Variants in YPEL1 observed in about 807,000 individuals in gnomAD.
YPEL1 encodes the protein yippee like 1.
YPEL1 carries 7 observed loss-of-function variants against 17.3 expected under a neutral mutation model. The observed-to-expected ratio is 0.40, with a 90% CI of 0.23 to 0.76. YPEL1 has a LOEUF of 0.76. Among genes scored for constraint, YPEL1 ranks in the 30% least tolerant of loss-of-function variants. The pLI, the probability that YPEL1 is intolerant of heterozygous loss-of-function variation, is 0.35. For synonymous variants in YPEL1, 59 were observed against 59.6 expected, an observed-to-expected ratio of 0.99 and a Z score of 0.05; for missense variants, 91 against 155.5, an observed-to-expected ratio of 0.59 and a Z score of 2.21.
In YPEL1 at chr22:21,697,804, T is replaced by A. The variant is rs926615851; in HGVS notation, c.*3325A>T. ...AAATGAAGGTTTACATTTCTGTAGT[T>A]TGTTTGTTTTAGAGCTTAATTTGTA... On this transcript the variant is annotated 3_prime_UTR_variant, in exon 5 of 5. Transcript: ENST00000339468. The A allele has an allele frequency of 6.6e-6, 1 of 152,340 alleles. No individual in the cohort carries two copies. Among genetic ancestry groups the A allele is most frequent in the East Asian group, 1.9e-4 (1 of 5,326 alleles). 9.4% of individuals were successfully genotyped at this position (152,340 alleles called of 1,614,324 possible).
intron 2 of YPEL1, among the ~76,000 whole-genome samples, chr22:21,706,221 G>C (rs2068114310): frequency 6.6e-6 from 1 of 150,898 alleles, no homozygotes; most frequent in Admixed American, 6.6e-5. Flanking sequence ...ACAAGTTCAG[G>C]AGTTCAAGAC....
intron 1 of YPEL1, among the ~76,000 whole-genome samples, chr22:21,721,394 A>T (rs1226175419): frequency 6.7e-6 from 1 of 149,042 alleles, no homozygotes; most frequent in Non-Finnish European, 1.5e-5. Flanking sequence ...CTGAGATTAC[A>T]GCAGTGAGCC....
At chr22:21,706,430 G>A (rs1397564549) in intron 2 of YPEL1, among the ~76,000 whole-genome samples, 10 of 147,294 alleles carry the variant, frequency 6.8e-5, no homozygotes, top group East Asian at 2.0e-4. Context: ...GTCAGGCTCC[G>A]TCTCACAAAA....
At chr22:21,721,527 G>A (rs149931174) in intron 1 of YPEL1, among the ~76,000 whole-genome samples, 9,728 of 151,368 alleles carry the variant, frequency 0.064, 455 homozygotes, top group Non-Finnish European at 0.1. Flanking sequence ...GGGTTCAAGC[G>A]ATTCTCCTGC....
chr22:21,709,944 C>T (rs919329616), intron 2 of YPEL1, among the ~76,000 whole-genome samples: 9 of 146,694 alleles, frequency 6.1e-5, no homozygotes, highest in Non-Finnish European at 1.4e-4. Flanking sequence ...TGACCTGAGG[C>T]TGGGGGGATG....
At chr22:21,704,905 G>A (rs1222242091) in intron 2 of YPEL1, among the ~76,000 whole-genome samples, 1 of 152,130 alleles carries the variant, frequency 6.6e-6, no homozygotes, top group Non-Finnish European at 1.5e-5. Flanking sequence ...TCCAGTGCCA[G>A]CCTCAAGTCT....
chr22:21,725,647 TG>T (rs2068328304), intron 1 of YPEL1, among the ~76,000 whole-genome samples: 1 of 152,044 alleles, frequency 6.6e-6, no homozygotes, highest in African/African-American at 2.4e-5. Flanking sequence ...GGAATGAATA[TG>T]TATCAGGGGA....
Position 21,703,737 on chromosome 22 carries a change from C to T in YPEL1, c.161+102G>A, listed in dbSNP as rs1032793644. The T allele has an allele frequency of 7.6e-7, 1 of 1,314,744 alleles. No homozygotes were observed. The highest frequency in any genetic ancestry group is 1.0e-6 in the Non-Finnish European group (1 of 952,914). 81.4% of individuals were successfully genotyped at this position (1,314,744 alleles called of 1,614,324 possible). On this transcript the variant is annotated intron_variant, in intron 3 of 4. Coordinates refer to ENST00000339468, the MANE Select transcript of YPEL1 (RefSeq NM_013313.5). This position sits in a 1 kb window ranked among gnomAD's most constrained non-coding sequence, Gnocchi z 6.1. Reference sequence around the variant, plus strand: ...GGGGGGATGGTGGGTTCTTTCAGGACCCCTAAAGACCCAGGTGATTCTACA... The same window carrying T: ...GGGGGGATGGTGGGTTCTTTCAGGATCCCTAAAGACCCAGGTGATTCTACA...
intron 1 of YPEL1, among the ~76,000 whole-genome samples, chr22:21,721,895 CT>C (rs2068287516): frequency 6.6e-6 from 1 of 152,200 alleles, no homozygotes. Context: ...CACCAAGCCC[CT>C]GGCAGCTACC....
chr22:21,707,674 G>A (rs1308524670), intron 2 of YPEL1, among the ~76,000 whole-genome samples: 7 of 152,176 alleles, frequency 4.6e-5, no homozygotes, highest in Non-Finnish European at 1.0e-4. Context: ...ATTCTGGACT[G>A]AATTTCCTAA....
At position 21,716,928 on chromosome 22, in the gene YPEL1, C is replaced by T. The variant is rs935530124; in HGVS notation, c.-164-6020G>A. On this transcript the variant is annotated intron_variant, in intron 1 of 4. Transcript: ENST00000339468. ...GAGAGTATATGTAACCAACAGCAAACGAGAAAAAAAATGACCTTGCAGAAA... is the reference window on the plus strand; with the variant it reads ...GAGAGTATATGTAACCAACAGCAAATGAGAAAAAAAATGACCTTGCAGAAA... Among the ~76,000 whole-genome samples the T allele has an allele frequency of 4.6e-5, 7 of 151,368 alleles. No individual in the cohort carries two copies. In the East Asian group the frequency reaches 5.8e-4, roughly 13 times the overall value.
chr22:21,709,650 A>G (rs1236628574), intron 2 of YPEL1, among the ~76,000 whole-genome samples: 2 of 152,174 alleles, frequency 1.3e-5, no homozygotes, highest in Non-Finnish European at 2.9e-5. Flanking sequence ...CTATTTAAAA[A>G]AAGAAGAAAA....
chr22:21,704,517 C>T (rs861812), intron 2 of YPEL1, among the ~76,000 whole-genome samples: 55,052 of 151,818 alleles, frequency 0.36, 10,341 homozygotes, highest in African/African-American at 0.39. Context: ...GTTAGCTGGG[C>T]GTGGTGGCGG....
chr22:21,705,310 T>A (rs1246133327), intron 2 of YPEL1, among the ~76,000 whole-genome samples: 1 of 152,184 alleles, frequency 6.6e-6, no homozygotes. Flanking sequence ...GGCTGTCATT[T>A]AAAAATGTCT....
At chr22:21,727,308 T>C (rs1343076893) in intron 1 of YPEL1, among the ~76,000 whole-genome samples, 1 of 152,256 alleles carries the variant, frequency 6.6e-6, no homozygotes, top group East Asian at 1.9e-4. Flanking sequence ...ACAGATCCAC[T>C]GTTGCACTGG....
intron 1 of YPEL1, among the ~76,000 whole-genome samples, chr22:21,716,656 A>T (rs1170078595): frequency 6.6e-6 from 1 of 152,284 alleles, no homozygotes; most frequent in Admixed American, 6.5e-5. Flanking sequence ...TGGCAGAAGG[A>T]AGCGTAAACC....
At chr22:21,726,093 C>T (rs112558866) in intron 1 of YPEL1, among the ~76,000 whole-genome samples, 11 of 152,178 alleles carry the variant, frequency 7.2e-5, no homozygotes, top group Non-Finnish European at 1.6e-4. Context: ...GGAGTCTCTG[C>T]GGGCAGGGGC....
chr22:21,703,519 G>A lies in YPEL1; in HGVS notation c.162-41C>T, dbSNP rs776881975. 38 of 1,560,542 alleles carry A rather than the reference G, an allele frequency of 2.4e-5. No homozygotes were observed. Among genetic ancestry groups the A allele is most frequent in the South Asian group, 1.8e-4 (16 of 90,138 alleles). ...GGCCACTGCGCTGCAGGCCCGGCCC[G>A]CCCCTGACCAGGCCCTGCCCCCTCA... On this transcript the variant is annotated intron_variant, in intron 3 of 4. Transcript: ENST00000339468. This position sits in a 1 kb window ranked among gnomAD's most constrained non-coding sequence, Gnocchi z 6.1.
intron 1 of YPEL1, among the ~76,000 whole-genome samples, chr22:21,727,165 C>T (rs766236639): frequency 1.3e-5 from 2 of 152,180 alleles, no homozygotes; most frequent in African/African-American, 2.4e-5. Context: ...GCCTCCCGTG[C>T]GCTTCATGTG....
Sources: allele counts gnomAD v4.1 joint callset (sites outside exome capture counted in the v4.1 genomes callset), GRCh38; gene constraint gnomAD v4.1.1; non-coding constraint Gnocchi (gnomAD v3.1); transcripts MANE v1.5; gene names NCBI Gene and HGNC (gene_info 2026-07-23, HGNC 2026-07-21).